Variants in PDZD9 observed in about 807,000 individuals in gnomAD.
PDZD9 encodes the protein PDZ domain-containing protein 9.
A neutral mutation model predicts 16.3 loss-of-function variants in PDZD9; 13 were observed. That is an observed-to-expected ratio of 0.80 (90% CI 0.52 to 1.27). The LOEUF (loss-of-function observed/expected upper bound fraction) is 1.27, where lower values mean the gene tolerates loss of function less well. Among genes scored for constraint, PDZD9 ranks in the 50% most tolerant of loss-of-function variants. The probability of loss-of-function intolerance (pLI) is 0.00; values close to 1 mark genes in which losing one functional copy is unlikely to be tolerated. For missense variants in PDZD9, 288 were observed against 310.9 expected, an observed-to-expected ratio of 0.93 and a Z score of 0.55; for synonymous variants, 120 against 111.0, an observed-to-expected ratio of 1.08 and a Z score of -0.51.
chr16:21,984,748 A>T (rs1177569589), intron 3 of PDZD9, 88 bp from the exon 4 acceptor site: 1 of 1,056,670 alleles, frequency 9.5e-7, no homozygotes, highest in African/African-American at 1.6e-5. Context: ...ACTTGCTTTG[A>T]CTCATAAAAG....
the PDZD9 span, chr16:21,961,585 C>G: frequency 7.6e-6 from 1 of 130,936 alleles, no homozygotes; most frequent in Non-Finnish European, 1.6e-5. Flanking sequence ...ACTTTATTTG[C>G]CATTTTAAAA....
At chr16:21,962,969 C>A in the PDZD9 span, 2 of 1,459,366 alleles carry the variant, frequency 1.4e-6, no homozygotes, top group Non-Finnish European at 1.8e-6. Flanking sequence ...AAATTGCTGT[C>A]AAAATTTTTA....
chr16:21,988,990 A>G (rs577907781), intron 2 of PDZD9, among the ~76,000 whole-genome samples, 199 bp from the exon 3 acceptor site: 5 of 141,102 alleles, frequency 3.5e-5, no homozygotes, highest in African/African-American at 2.7e-5. Flanking sequence ...GTGCAGTGGC[A>G]TGATCTCAGC....
chr16:21,973,907 T>C, the PDZD9 span: 1 of 1,613,166 alleles, frequency 6.2e-7, no homozygotes, highest in Non-Finnish European at 8.5e-7. Flanking sequence ...TTTCTGCATT[T>C]AATGCCAGTT....
At chr16:21,985,744 T>C (rs1898862643) in intron 3 of PDZD9, among the ~76,000 whole-genome samples, 1 of 152,256 alleles carries the variant, frequency 6.6e-6, no homozygotes, top group African/African-American at 2.4e-5. Context: ...TCTGGTGTTA[T>C]CACTAATAAC....
At chr16:21,998,696 AC>A (rs1402126808) in intron 1 of PDZD9, 3 of 151,496 alleles carry the variant, frequency 2.0e-5, no homozygotes, top group Non-Finnish European at 4.4e-5. Context: ...TGTCTCAAAA[AC>A]AAAAAAAAAT....
the PDZD9 span, chr16:21,973,752 G>C: frequency 1.4e-6 from 1 of 690,258 alleles, no homozygotes; most frequent in Non-Finnish European, 2.5e-6. Context: ...GAATACTTCA[G>C]TTCGTGACAG....
chr16:21,979,979 T>C (rs1898676865), downstream of PDZD9, among the ~76,000 whole-genome samples: 1 of 152,222 alleles, frequency 6.6e-6, no homozygotes, highest in Non-Finnish European at 1.5e-5. Flanking sequence ...TGGGCTTATG[T>C]TAGAAGACTT....
At chr16:21,966,090 G>T in the PDZD9 span, among the ~76,000 whole-genome samples, 1 of 150,692 alleles carries the variant, frequency 6.6e-6, no homozygotes, top group African/African-American at 2.4e-5. Context: ...AAGACAGAGG[G>T]ATCACTTGAG....
chr16:21,971,461 A>T, the PDZD9 span: 1 of 1,357,200 alleles, frequency 7.4e-7, no homozygotes, highest in Non-Finnish European at 1.0e-6. Context: ...ACAAGGAAAA[A>T]ATATTTTACG....
chr16:21,981,844 C>CT (rs1245008218), downstream of PDZD9, among the ~76,000 whole-genome samples: 346 of 142,114 alleles, frequency 2.4e-3, no homozygotes, highest in Middle Eastern at 7.1e-3. Flanking sequence ...TCATACTCTT[C>CT]TTTTTTTTTT....
intron 2 of PDZD9, among the ~76,000 whole-genome samples, chr16:21,993,582 T>G (rs1477357368): frequency 1.3e-5 from 2 of 152,200 alleles, no homozygotes; most frequent in East Asian, 3.9e-4. Context: ...TAGAATCACC[T>G]GAGGAGCTTT....
intron 1 of PDZD9, among the ~76,000 whole-genome samples, chr16:21,997,375 G>A (rs1419043406): frequency 2.0e-5 from 3 of 152,178 alleles, no homozygotes; most frequent in Admixed American, 6.5e-5. Flanking sequence ...AGGTGGATCC[G>A]GAGCAAATTG....
At chr16:21,982,963 CAAAAA>C (rs1036084484), downstream of PDZD9, 1,353 of 534,016 alleles carry the variant, frequency 2.5e-3, no homozygotes, top group Middle Eastern at 5.1e-3. Context: ...GACTCCACCT[CAAAAA>C]AAAAAAAAAA....
intron 2 of PDZD9, among the ~76,000 whole-genome samples, chr16:21,989,462 C>T (rs1433028225): frequency 4.6e-5 from 7 of 152,030 alleles, no homozygotes; most frequent in Non-Finnish European, 1.0e-4. Flanking sequence ...ATGGCTATTA[C>T]TAGAAAAGAA....
At chr16:21,974,541 T>C in the PDZD9 span, among the ~76,000 whole-genome samples, 1 of 152,188 alleles carries the variant, frequency 6.6e-6, no homozygotes, top group Non-Finnish European at 1.5e-5. Flanking sequence ...TTCAGCAAGC[T>C]AGGACATCAT....
the PDZD9 span, among the ~76,000 whole-genome samples, chr16:21,961,672 T>TTG: frequency 1.6e-5 from 1 of 61,534 alleles, no homozygotes; most frequent in Non-Finnish European, 4.7e-5. Flanking sequence ...ATATATATTT[T>TTG]AGACAGTCTC....
the PDZD9 span, chr16:21,971,617 G>A: frequency 6.2e-7 from 1 of 1,613,730 alleles, no homozygotes. Flanking sequence ...CAACTACCGT[G>A]GAGGTAAGCA....
chr16:21,966,702 C>G, the PDZD9 span, among the ~76,000 whole-genome samples: 1 of 152,184 alleles, frequency 6.6e-6, no homozygotes, highest in Non-Finnish European at 1.5e-5. Context: ...CTTGAACAGG[C>G]AGCCGTTTTC....
Sources: gnomAD v4.1 joint callset for allele counts (sites outside exome capture counted in the v4.1 genomes callset) on GRCh38, gnomAD v4.1.1 for gene constraint, MANE v1.5 for transcripts, NCBI Gene and HGNC (gene_info 2026-07-23, HGNC 2026-07-21) for gene names.